The following APP variants were observed in gnomAD, a reference collection of about 807,000 sequenced individuals.
The protein encoded by APP is amyloid beta precursor protein, also known as amyloid-beta precursor protein.
In APP, 31 loss-of-function variants were observed where a neutral mutation model predicts 101.4. The ratio of observed to expected loss-of-function variants is 0.31; its 90% CI spans 0.23 to 0.41. The LOEUF (loss-of-function observed/expected upper bound fraction) is 0.41. APP is among the 10% of genes least tolerant of loss of function. The pLI is 1.00. For missense variants in APP, 839 were observed against 1,003.7 expected (o/e 0.84, Z 2.22); for synonymous variants, 366 against 364.4 (o/e 1.00, Z -0.05).
chr21:26,168,731 G>A lies in APP; in HGVS notation c.57+1833C>T, dbSNP rs368399399. On this transcript the variant is annotated intron_variant, in intron 1 of 17. Transcript: ENST00000346798. ...CTACAAATAAATGTAAGTAAGTCAT[G>A]AGAGAAATCAGAATTCTCTTAGTTA... 1.7e-4 allele frequency among the ~76,000 whole-genome samples: 26 copies of A among 152,344 alleles called. No homozygotes were observed. In the South Asian group the frequency reaches 5.0e-3, roughly 29 times the overall value.
chr21:25,901,467 G>A (rs2038481675), intron 15 of APP, among the ~76,000 whole-genome samples: 1 of 152,042 alleles, frequency 6.6e-6, no homozygotes, highest in Non-Finnish European at 1.5e-5. Context: ...AATAGTTTGA[G>A]AAGCTCTTGG....
At chr21:25,966,423 A>AGCAATTAT (rs1265525377) in intron 11 of APP, among the ~76,000 whole-genome samples, 3 of 152,226 alleles carry the variant, frequency 2.0e-5, no homozygotes, top group Non-Finnish European at 1.5e-5. Flanking sequence ...GTAAGTATAG[A>AGCAATTAT]GCAATTATTT....
chr21:26,063,685 G>A (rs748825092), intron 3 of APP, among the ~76,000 whole-genome samples: 24 of 152,204 alleles, frequency 1.6e-4, no homozygotes, highest in Non-Finnish European at 2.9e-5. Flanking sequence ...ATGACTGAAT[G>A]AATGAATACA....
intron 5 of APP, among the ~76,000 whole-genome samples, chr21:26,038,367 C>A (rs1025829436): frequency 6.6e-6 from 1 of 152,034 alleles, no homozygotes; most frequent in African/African-American, 2.4e-5. Flanking sequence ...TTATAATAGC[C>A]ATGATTATCA....
chr21:25,991,488 C>T (rs2042862640), intron 8 of APP, among the ~76,000 whole-genome samples: 1 of 152,130 alleles, frequency 6.6e-6, no homozygotes, highest in Non-Finnish European at 1.5e-5. Context: ...AGTGATTCTC[C>T]TGCCTCAGCC....
intron 8 of APP, 59 bp downstream of exon 8, chr21:25,997,301 T>C (rs766624349): frequency 3.3e-6 from 5 of 1,502,056 alleles, no homozygotes; most frequent in South Asian, 2.3e-5. Flanking sequence ...GCTGGAGTTA[T>C]GTGAACCAAG....
In APP at chr21:25,930,073, A is replaced by G. The variant is rs1332023412; in HGVS notation, c.1688-18111T>C. On this transcript the variant is annotated intron_variant, in intron 13 of 17. Coordinates refer to ENST00000346798, the MANE Select transcript of APP (RefSeq NM_000484.4). ...CGTGCTGGACTGAATTTCAGCTCCA[A>G]CCTGAACCTTCCAACAGGACAAGGG... is the stretch of plus-strand genomic sequence containing the variant. 4.6e-5 allele frequency among the ~76,000 whole-genome samples: 7 copies of G among 152,310 alleles called. No homozygotes were observed. The East Asian group carries it at 1.3e-3, about 29-fold the overall frequency.
chr21:26,100,970 C>T (rs77790696), intron 2 of APP, among the ~76,000 whole-genome samples: 8,850 of 152,162 alleles, frequency 0.058, 434 homozygotes, highest in Admixed American at 0.13. Flanking sequence ...GTGTAAGTTA[C>T]CAGAGACATC....
In APP at chr21:26,140,225, T is replaced by C. The variant is rs779533146; in HGVS notation, c.58-28079A>G. 2.1e-5 allele frequency: 33 copies of C among 1,535,978 alleles called. No homozygotes were observed. In the South Asian group the frequency reaches 2.6e-4, roughly 12 times the overall value. The stretch of plus-strand genomic sequence containing the variant: ...TCTGGGGAAGAGCTGGCTCCAATCA[T>C]TGTCAATTACATCAGCAACTGTGGA... On this transcript the variant is annotated intron_variant, in intron 1 of 17. Transcript: ENST00000346798.
At chr21:25,944,074 C>G (rs550088730) in intron 13 of APP, among the ~76,000 whole-genome samples, 1 of 151,940 alleles carries the variant, frequency 6.6e-6, no homozygotes, top group African/African-American at 2.4e-5. Flanking sequence ...AAGGCATGTA[C>G]AAGACAATAC....
intron 5 of APP, among the ~76,000 whole-genome samples, chr21:26,029,726 C>A (rs1294673700): frequency 6.6e-6 from 1 of 152,194 alleles, no homozygotes; most frequent in Admixed American, 6.5e-5. Flanking sequence ...CTGCAACCCG[C>A]AACTTGTTCT....
In APP at chr21:26,071,233, C is replaced by T. The variant is rs182508262; in HGVS notation, c.356-17885G>A. ...TTTCCTGTTTGCACACAGCGAGCCCCGCCTTCCTTTCCTGACCCCACTCAA... is the reference window on the plus strand; with the variant it reads ...TTTCCTGTTTGCACACAGCGAGCCCTGCCTTCCTTTCCTGACCCCACTCAA... On this transcript the variant is annotated intron_variant, in intron 3 of 17. Transcript: ENST00000346798. Among the ~76,000 whole-genome samples the T allele has an allele frequency of 4.6e-5, 7 of 152,244 alleles. No individual in the cohort carries two copies. In the East Asian group the frequency reaches 1.4e-3, roughly 29 times the overall value.
At chr21:26,037,759 T>C (rs530346883) in intron 5 of APP, among the ~76,000 whole-genome samples, 1 of 152,340 alleles carries the variant, frequency 6.6e-6, no homozygotes, top group South Asian at 2.1e-4. Flanking sequence ...GATATGTGTA[T>C]GAGTCCTTGG....
intron 13 of APP, among the ~76,000 whole-genome samples, chr21:25,953,087 G>T (rs1014103222): frequency 8.0e-6 from 1 of 124,464 alleles, no homozygotes; most frequent in Non-Finnish European, 1.7e-5. Context: ...ACACTATGAA[G>T]TTGCTTTTTT....
At chr21:26,037,047 G>T (rs1439840687) in intron 5 of APP, among the ~76,000 whole-genome samples, 1 of 152,134 alleles carries the variant, frequency 6.6e-6, no homozygotes, top group East Asian at 1.9e-4. Flanking sequence ...CCATACAAAA[G>T]AATAAAATCC....
intron 1 of APP, among the ~76,000 whole-genome samples, chr21:26,162,855 C>T (rs2063519862): frequency 7.0e-6 from 1 of 143,466 alleles, no homozygotes; most frequent in African/African-American, 2.6e-5. Flanking sequence ...CTAATGAAAG[C>T]CAAATTATTA....
intron 5 of APP, among the ~76,000 whole-genome samples, chr21:26,029,000 G>C (rs1404503624): frequency 1.3e-5 from 2 of 152,134 alleles, no homozygotes; most frequent in African/African-American, 4.8e-5. Context: ...GTCGGGCACG[G>C]CAAAACCAAG....
At chr21:26,125,185 A>C (rs1180172341) in intron 1 of APP, among the ~76,000 whole-genome samples, 2 of 152,206 alleles carry the variant, frequency 1.3e-5, no homozygotes, top group East Asian at 3.8e-4. Context: ...TAAACGTGTG[A>C]AGTCACTGGG....
chr21:25,982,428 C>T lies in APP; in HGVS notation c.1140G>A (p.Glu380=). 6.2e-7 allele frequency: 1 copy of T among 1,613,598 alleles called. No individual in the cohort carries two copies. Among genetic ancestry groups the T allele is most frequent in the Non-Finnish European group, 8.5e-7 (1 of 1,179,780 alleles). The change falls in exon 9 of 18, where the codon GAG becomes GAA. Residue 380 remains glutamate (E), a synonymous_variant. Transcript: ENST00000346798. The part of the protein sequence containing the change: ...STPDAVDKYL[E]TPGDENEHAH... Reference sequence around the variant, plus strand: ...CATGTTCATTCTCATCCCCAGGTGTCTCGAGATACTTGTCAACGGCATCAG... The same window carrying T: ...CATGTTCATTCTCATCCCCAGGTGTTTCGAGATACTTGTCAACGGCATCAG...
Sources: gnomAD v4.1 joint callset for allele counts (sites outside exome capture counted in the v4.1 genomes callset) on GRCh38, gnomAD v4.1.1 for gene constraint, MANE v1.5 for transcripts, NCBI Gene and HGNC (gene_info 2026-07-23, HGNC 2026-07-21) for gene names.